The following PALMD variants were observed in gnomAD, a reference collection of about 807,000 sequenced individuals.
PALMD encodes the protein paralemmin-like protein.
PALMD carries 42 observed loss-of-function variants against 56.2 expected under a neutral mutation model. The ratio of observed to expected loss-of-function variants is 0.75; its 90% CI spans 0.58 to 0.97. The LOEUF (loss-of-function observed/expected upper bound fraction) is 0.97. Ranked by LOEUF, PALMD falls within the 50% of genes least tolerant of loss-of-function variation. The pLI, the probability that PALMD is intolerant of heterozygous loss-of-function variation, is 0.00. For synonymous variants in PALMD, 242 were observed against 222.9 expected, an observed-to-expected ratio of 1.09 and a Z score of -0.76; for missense variants, 660 against 643.8, an observed-to-expected ratio of 1.03 and a Z score of -0.27.
rs138205585 is a variant in PALMD, at chr1:99,667,851, A to AG, written c.251+89dup. ...GCATAGACATGCCATTCTCACTTTC[A>AG]GGGGCATAATCAAATCTTCCATTTG... On this transcript the variant is annotated intron_variant, in intron 3 of 7. Coordinates refer to ENST00000263174, the MANE Select transcript of PALMD (RefSeq NM_017734.5). The AG allele has an allele frequency of 1.7e-4, 210 of 1,211,074 alleles. 3 individuals are homozygous for AG. The East Asian group carries it at 4.6e-3, about 27-fold the overall frequency. 75.0% of individuals were successfully genotyped at this position (1,211,074 alleles called of 1,614,324 possible). A position where few individuals can be genotyped will look rare whatever the true frequency, so the allele number is the denominator to read the frequency against.
intron 2 of PALMD, 130 bp from the exon 3 acceptor site, chr1:99,667,512 C>A: frequency 1.3e-6 from 1 of 769,968 alleles, no homozygotes; most frequent in Non-Finnish European, 2.2e-6. Context: ...TTTATTCAGG[C>A]AAGGCACTGA....
Position 99,664,308 on chromosome 1 carries a change from G to A in PALMD, c.126+1909G>A, listed in dbSNP as rs189755259. Among the ~76,000 whole-genome samples the A allele has an allele frequency of 2.8e-3, 424 of 152,224 alleles. 1 individual carries two copies. Among genetic ancestry groups the A allele is most frequent in the African/African-American group, 9.7e-3 (402 of 41,544 alleles). On this transcript the variant is annotated intron_variant, in intron 2 of 7. Coordinates refer to ENST00000263174, the MANE Select transcript of PALMD (RefSeq NM_017734.5). Reference sequence around the variant, plus strand: ...TTCTTTAATCTGGGATGGTCAAGAAGGCACTATTAAAGGTATGGGATTCAA... The same window carrying A: ...TTCTTTAATCTGGGATGGTCAAGAAAGCACTATTAAAGGTATGGGATTCAA...
At chr1:99,678,030 T>C (rs1168195365) in intron 3 of PALMD, among the ~76,000 whole-genome samples, 1 of 152,094 alleles carries the variant, frequency 6.6e-6, no homozygotes, top group Admixed American at 6.6e-5. Flanking sequence ...ACCTGCTAGA[T>C]TTTTGTCTTC....
rs1653586484 is a variant in PALMD at position 99,688,822 on chromosome 1, G to GA, written c.565dup (p.Ser189LysfsTer13). 6.2e-7 allele frequency: 1 copy of GA among 1,609,024 alleles called. No homozygotes were observed. The highest frequency in any genetic ancestry group is 8.5e-7 in the Non-Finnish European group (1 of 1,176,154). ...AGTTGAAAAAGACTTGAAGACTGGA[G>GA]AAAGTACAGTTCTGTCTTCAATACC... On this transcript the variant is annotated frameshift_variant, in exon 7 of 8. Coordinates refer to ENST00000263174, the MANE Select transcript of PALMD (RefSeq NM_017734.5). LOFTEE classifies it high-confidence loss of function.
At chr1:99,682,588 C>A (rs770857603) in intron 3 of PALMD, among the ~76,000 whole-genome samples, 1 of 152,052 alleles carries the variant, frequency 6.6e-6, no homozygotes, top group Non-Finnish European at 1.5e-5. Context: ...ACATTACCCA[C>A]GGCTTTATCT....
chr1:99,659,516 A>T (rs1471625997), intron 1 of PALMD, among the ~76,000 whole-genome samples: 2 of 152,202 alleles, frequency 1.3e-5, no homozygotes, highest in Non-Finnish European at 2.9e-5. Flanking sequence ...GTTCTGGGGA[A>T]ATTTAGGGAA....
intron 3 of PALMD, among the ~76,000 whole-genome samples, chr1:99,674,280 A>G (rs1421434464): frequency 5.3e-5 from 8 of 152,090 alleles, no homozygotes; most frequent in African/African-American, 1.9e-4. Context: ...GCTGAAAAGT[A>G]GATTGCAATA....
chr1:99,684,391 A>G (rs955702376), intron 3 of PALMD: 1 of 152,246 alleles, frequency 6.6e-6, no homozygotes, highest in Admixed American at 6.5e-5. Flanking sequence ...ACTAGAACAT[A>G]AACTCCTTGA....
In PALMD at chr1:99,689,682, G is replaced by C. The variant is rs1243713206; in HGVS notation, c.1422G>C (p.Gln474His). 6.2e-7 allele frequency: 1 copy of C among 1,613,776 alleles called. No individual in the cohort carries two copies. Among genetic ancestry groups the C allele is most frequent in the South Asian group, 1.1e-5 (1 of 91,068 alleles). ...TAGCTCCCCATAGTCAGGTGTACCA[G>C]CCAGCCAAACCAACACCACTTCCTA... The part of the protein sequence containing the change: ...HPIAPHSQVY[Q>H]PAKPTPLPRK... Residue 474 changes from glutamine to histidine, a missense_variant, in exon 7 of 8, where the codon CAG becomes CAC. By Grantham distance (24) the Gln-to-His change is conservative. Coordinates refer to ENST00000263174, the MANE Select transcript of PALMD (RefSeq NM_017734.5).
rs538365590 is a variant in PALMD, at chr1:99,688,942, T to C, written c.682T>C (p.Tyr228His). The change falls in exon 7 of 8, where the codon TAC (tyrosine) becomes CAC (histidine). Residue 228 changes from tyrosine (Y) to histidine (H), a missense_variant. Tyr to His is a moderately conservative substitution (Grantham distance 83). Transcript: ENST00000263174. ...AGTAAGTTCTAATCACAGTGCAGCA[T>C]ACAATGGCACCGATGGCCTGGCACC... ...YAVSSNHSAA[Y>H]NGTDGLAPVE... 7 of 1,613,668 alleles carry C rather than the reference T, an allele frequency of 4.3e-6. No homozygotes were observed. The Admixed American group carries it at 5.0e-5, about 12-fold the overall frequency.
chr1:99,692,306 C>T (rs1369586030), intron 7 of PALMD, among the ~76,000 whole-genome samples: 1 of 152,112 alleles, frequency 6.6e-6, no homozygotes, highest in South Asian at 2.1e-4. Flanking sequence ...TGATTGCCAA[C>T]CTGCAACAGC....
intron 3 of PALMD, chr1:99,683,909 T>A (rs1653427801): frequency 6.6e-6 from 1 of 152,258 alleles, no homozygotes; most frequent in African/African-American, 2.4e-5. Context: ...GAAACCCTCA[T>A]GTTTCCCGCT....
intron 3 of PALMD, among the ~76,000 whole-genome samples, chr1:99,670,361 C>G (rs7529035): frequency 1.3e-5 from 2 of 152,172 alleles, no homozygotes; most frequent in Admixed American, 6.5e-5. Flanking sequence ...TTACAAAGCA[C>G]TTGAACTTAC....
intron 1 of PALMD, among the ~76,000 whole-genome samples, chr1:99,657,566 T>C (rs1348227276): frequency 6.6e-6 from 1 of 152,202 alleles, no homozygotes. Flanking sequence ...TATTACACAA[T>C]GAGGCCATAT....
chr1:99,674,102 A>G (rs1401817715), intron 3 of PALMD, among the ~76,000 whole-genome samples: 2 of 152,182 alleles, frequency 1.3e-5, no homozygotes, highest in African/African-American at 4.8e-5. Flanking sequence ...GCATGTTTTA[A>G]CATCTCACCA....
chr1:99,661,070 A>G (rs776553964), intron 1 of PALMD, among the ~76,000 whole-genome samples: 7 of 152,232 alleles, frequency 4.6e-5, no homozygotes, highest in Admixed American at 1.3e-4. Flanking sequence ...GCACTTATAT[A>G]TCAATAATGC....
intron 3 of PALMD, among the ~76,000 whole-genome samples, chr1:99,669,983 G>C (rs1037020028): frequency 6.6e-6 from 1 of 152,216 alleles, no homozygotes; most frequent in African/African-American, 2.4e-5. Flanking sequence ...ACTAGGAAGT[G>C]GGAGGTCAGG....
chr1:99,672,706 C>T lies in PALMD; in HGVS notation c.251+4940C>T, dbSNP rs146220292. ...CTACTTCTTGAACTGTGTCCAAAGA[C>T]CTCTGACTTTAATTGGAGCACACAG... On this transcript the variant is annotated intron_variant, in intron 3 of 7. Coordinates refer to ENST00000263174, the MANE Select transcript of PALMD (RefSeq NM_017734.5). 4.4e-3 allele frequency among the ~76,000 whole-genome samples: 671 copies of T among 152,270 alleles called. 6 individuals carry two copies. Among genetic ancestry groups the T allele is most frequent in the African/African-American group, 0.015 (638 of 41,546 alleles).
intron 3 of PALMD, among the ~76,000 whole-genome samples, chr1:99,678,945 A>G (rs1218973577): frequency 6.6e-6 from 1 of 151,688 alleles, no homozygotes; most frequent in Non-Finnish European, 1.5e-5. Flanking sequence ...AGCCTGGGCA[A>G]TACAGGGATA....
Sources: gnomAD v4.1 joint callset for allele counts (sites outside exome capture counted in the v4.1 genomes callset) on GRCh38, gnomAD v4.1.1 for gene constraint, MANE v1.5 for transcripts, NCBI Gene and HGNC (gene_info 2026-07-23, HGNC 2026-07-21) for gene names.